Variants in LRRC4C observed in about 807,000 individuals in gnomAD.
LRRC4C encodes the protein leucine rich repeat containing 4C.
A neutral mutation model predicts 33.6 loss-of-function variants in LRRC4C; 5 were observed. That is an observed-to-expected ratio of 0.15 (90% confidence interval 0.08 to 0.31). The LOEUF is 0.31. LRRC4C is among the 10% of genes least tolerant of loss of function. The pLI is 1.00. For missense variants in LRRC4C, 560 were observed against 796.7 expected, an observed-to-expected ratio of 0.70 and a Z score of 3.58; for synonymous variants, 329 against 302.0, an observed-to-expected ratio of 1.09 and a Z score of -0.93.
At chr11:40,221,790 G>A (rs868490083) in intron 5 of LRRC4C, among the ~76,000 whole-genome samples, 2 of 151,908 alleles carry the variant, frequency 1.3e-5, no homozygotes, top group Non-Finnish European at 2.9e-5. Context: ...TCTAATTACC[G>A]GTGCATGCAG....
chr11:41,333,968 AG>A (rs1346370316), intron 1 of LRRC4C, among the ~76,000 whole-genome samples: 2 of 152,124 alleles, frequency 1.3e-5, no homozygotes, highest in Admixed American at 6.6e-5. Context: ...ATTATCTCAG[AG>A]GGTTGTTTTC....
intron 3 of LRRC4C, among the ~76,000 whole-genome samples, chr11:40,352,518 G>A (rs1010997338): frequency 6.6e-6 from 1 of 151,918 alleles, no homozygotes; most frequent in Admixed American, 6.6e-5. Flanking sequence ...GTGCAGGTTA[G>A]TTACATATGT....
chr11:41,418,108 G>C (rs1301733309), intron 1 of LRRC4C, among the ~76,000 whole-genome samples: 1 of 151,726 alleles, frequency 6.6e-6, no homozygotes, highest in East Asian at 1.9e-4. Context: ...CCAGCTTCAT[G>C]TCTGCCATAA....
At chr11:40,946,812 T>C (rs891907580) in intron 1 of LRRC4C, among the ~76,000 whole-genome samples, 16 of 152,134 alleles carry the variant, frequency 1.1e-4, no homozygotes, top group African/African-American at 3.9e-4. Flanking sequence ...CCACATAATA[T>C]ACATTCTTCT....
At chr11:40,313,599 CTTTTTTTTTTTT>C (rs60735627) in intron 4 of LRRC4C, among the ~76,000 whole-genome samples, 953 of 72,596 alleles carry the variant, frequency 0.013, 26 homozygotes, top group Non-Finnish European at 0.018. Flanking sequence ...AGGGGAAATT[CTTTTTTTTTTTT>C]TTTTTTTTTT....
chr11:40,190,599 C>T (rs905616315), intron 5 of LRRC4C, among the ~76,000 whole-genome samples: 2 of 152,262 alleles, frequency 1.3e-5, no homozygotes, highest in African/African-American at 4.8e-5. Flanking sequence ...CGAAAAGTCA[C>T]CGTCTTGCTT....
chr11:40,229,774 GA>G (rs1304084448), intron 5 of LRRC4C, among the ~76,000 whole-genome samples: 5 of 152,156 alleles, frequency 3.3e-5, no homozygotes, highest in African/African-American at 1.2e-4. Context: ...CTGCAAGGGG[GA>G]CTGGCTGAAC....
At chr11:40,431,288 G>T (rs183761899) in intron 3 of LRRC4C, among the ~76,000 whole-genome samples, 3 of 151,014 alleles carry the variant, frequency 2.0e-5, no homozygotes. Context: ...TTAGCCAGGC[G>T]TGGTGGTGCG....
chr11:40,255,271 A>G (rs1266621480), intron 4 of LRRC4C, among the ~76,000 whole-genome samples: 1 of 152,112 alleles, frequency 6.6e-6, no homozygotes, highest in African/African-American at 2.4e-5. Flanking sequence ...GGGATGTGCC[A>G]CAAAGCCACC....
intron 4 of LRRC4C, among the ~76,000 whole-genome samples, chr11:40,297,932 G>A (rs1238335375): frequency 2.0e-5 from 3 of 152,124 alleles, no homozygotes; most frequent in Non-Finnish European, 4.4e-5. Flanking sequence ...ATTACTTATT[G>A]TGATGGATAG....
At chr11:40,457,197 T>A (rs768797597) in intron 3 of LRRC4C, among the ~76,000 whole-genome samples, 3 of 148,934 alleles carry the variant, frequency 2.0e-5, no homozygotes, top group Non-Finnish European at 4.5e-5. Context: ...ATCAAACAAA[T>A]CACATGTTGA....
chr11:40,324,550 A>G (rs1659643663), intron 3 of LRRC4C, among the ~76,000 whole-genome samples: 1 of 152,222 alleles, frequency 6.6e-6, no homozygotes, highest in Non-Finnish European at 1.5e-5. Flanking sequence ...GCGAAAAACA[A>G]TAAATTGAGC....
intron 1 of LRRC4C, among the ~76,000 whole-genome samples, chr11:41,450,665 T>G (rs557040940): frequency 6.6e-6 from 1 of 152,276 alleles, no homozygotes; most frequent in Non-Finnish European, 1.5e-5. Context: ...ATATATCATC[T>G]GAAATACCAT....
At chr11:40,692,420 T>C (rs914552276) in intron 2 of LRRC4C, among the ~76,000 whole-genome samples, 4 of 152,072 alleles carry the variant, frequency 2.6e-5, no homozygotes, top group African/African-American at 9.7e-5. Flanking sequence ...TGTATTATTT[T>C]GAAAAGTAGA....
intron 1 of LRRC4C, among the ~76,000 whole-genome samples, chr11:41,374,541 G>T (rs2137820124): frequency 1.3e-5 from 2 of 152,162 alleles, no homozygotes; most frequent in South Asian, 2.1e-4. Flanking sequence ...TTTCTAAAAT[G>T]CCAGTGTTAT....
chr11:41,128,833 AG>A (rs2135820008), intron 1 of LRRC4C, among the ~76,000 whole-genome samples: 2 of 152,160 alleles, frequency 1.3e-5, no homozygotes, highest in African/African-American at 4.8e-5. Context: ...ACTGTGGAAA[AG>A]TTACATCCTG....
chr11:40,273,766 T>C (rs903057298), intron 4 of LRRC4C, among the ~76,000 whole-genome samples: 6 of 152,186 alleles, frequency 3.9e-5, no homozygotes, highest in African/African-American at 1.4e-4. Context: ...GTAGTTATTA[T>C]ATGCTAAGGC....
intron 1 of LRRC4C, among the ~76,000 whole-genome samples, chr11:40,965,213 G>GT (rs959853847): frequency 1.3e-5 from 2 of 151,990 alleles, no homozygotes; most frequent in African/African-American, 4.8e-5. Context: ...TTTTTGATGG[G>GT]TTTTTTGTTT....
intron 6 of LRRC4C, among the ~76,000 whole-genome samples, chr11:40,127,665 G>A (rs927347416): frequency 3.9e-5 from 6 of 152,260 alleles, no homozygotes; most frequent in East Asian, 1.9e-4. Flanking sequence ...AATAATCGAC[G>A]TCCCTAGTAT....
Sources: allele counts gnomAD v4.1 joint callset (sites outside exome capture counted in the v4.1 genomes callset), GRCh38; gene constraint gnomAD v4.1.1; transcripts MANE v1.5; gene names NCBI Gene and HGNC (gene_info 2026-07-23, HGNC 2026-07-21).